AGBL4: variants seen among roughly 807,000 people sequenced by gnomAD.
AGBL4 encodes cytosolic carboxypeptidase 6.
Under a neutral mutation model 66.4 loss-of-function variants are expected in AGBL4, and 58 were observed. The ratio of observed to expected loss-of-function variants is 0.87; its 90% CI spans 0.71 to 1.09. AGBL4 has a LOEUF of 1.09. Ranked by LOEUF, AGBL4 falls within the 50% of genes least tolerant of loss-of-function variation. The pLI is 0.00. For missense variants in AGBL4, 579 were observed against 631.0 expected (o/e 0.92, Z 0.88); for synonymous variants, 234 against 222.9 (o/e 1.05, Z -0.44).
chr1:48,677,642 C>T (rs539974863), intron 6 of AGBL4, among the ~76,000 whole-genome samples: 9 of 152,180 alleles, frequency 5.9e-5, no homozygotes, highest in South Asian at 2.1e-4. Context: ...GCAGCTGCGA[C>T]GTCAGTCTAA....
chr1:49,167,397 A>C (rs1320784069), intron 4 of AGBL4, among the ~76,000 whole-genome samples: 7 of 152,186 alleles, frequency 4.6e-5, no homozygotes, highest in African/African-American at 1.7e-4. Context: ...ACCCTCTACT[A>C]GAAAGCCTAC....
At chr1:49,718,474 A>T (rs1648334448) in intron 2 of AGBL4, among the ~76,000 whole-genome samples, 1 of 152,166 alleles carries the variant, frequency 6.6e-6, no homozygotes, top group Admixed American at 6.6e-5. Flanking sequence ...TATTTGCAGC[A>T]ATGTAAGAAC....
intron 6 of AGBL4, among the ~76,000 whole-genome samples, chr1:48,799,842 T>C (rs1479277514): frequency 6.6e-6 from 1 of 152,230 alleles, no homozygotes; most frequent in Admixed American, 6.5e-5. Context: ...ATCCCTGGTA[T>C]GAAACCTACT....
intron 1 of AGBL4, among the ~76,000 whole-genome samples, chr1:49,924,291 G>A (rs751926783): frequency 6.6e-6 from 1 of 152,136 alleles, no homozygotes; most frequent in Non-Finnish European, 1.5e-5. Flanking sequence ...GCCTTCTGGA[G>A]GATGGAGAGT....
intron 9 of AGBL4, among the ~76,000 whole-genome samples, chr1:48,592,052 C>A (rs960799524): frequency 6.6e-6 from 1 of 152,242 alleles, no homozygotes; most frequent in African/African-American, 2.4e-5. Flanking sequence ...CAATTGCCCT[C>A]AAATCCAATC....
intron 5 of AGBL4, among the ~76,000 whole-genome samples, chr1:48,996,270 T>C (rs995906010): frequency 6.6e-6 from 1 of 152,168 alleles, no homozygotes; most frequent in Non-Finnish European, 1.5e-5. Flanking sequence ...GAAGTTAAGG[T>C]TGAAAATGTA....
intron 11 of AGBL4, among the ~76,000 whole-genome samples, chr1:48,556,574 C>T (rs1644324626): frequency 6.6e-6 from 1 of 152,198 alleles, no homozygotes; most frequent in Admixed American, 6.5e-5. Context: ...CTGTTCCAAA[C>T]CCCCTGCCTC....
chr1:48,644,339 C>G (rs1387870068), intron 8 of AGBL4, among the ~76,000 whole-genome samples: 1 of 152,176 alleles, frequency 6.6e-6, no homozygotes, highest in African/African-American at 2.4e-5. Context: ...CTTTCCCTAT[C>G]CCAACCCTCT....
rs555626801 is a variant in AGBL4, at chr1:49,468,253, T to C, written c.283-222389A>G. Among the ~76,000 whole-genome samples, 77 of 151,874 alleles carry C rather than the reference T, an allele frequency of 5.1e-4. 2 individuals carry two copies. Among genetic ancestry groups the C allele is most frequent in the African/African-American group, 1.2e-3 (51 of 41,504 alleles). ...AAAAGTAACTGCATTTGGAATGTCT[T>C]TGGATTATTTTAATATGAAATACTG... On this transcript the variant is annotated intron_variant, in intron 3 of 13. Transcript: ENST00000371839.
chr1:49,117,662 C>T (rs1645556548), intron 4 of AGBL4, among the ~76,000 whole-genome samples: 1 of 152,124 alleles, frequency 6.6e-6, no homozygotes, highest in Admixed American at 6.5e-5. Flanking sequence ...GTGATGCCTC[C>T]AGCTTTGTTC....
intron 5 of AGBL4, among the ~76,000 whole-genome samples, chr1:48,895,540 A>G (rs1338944126): frequency 2.0e-5 from 3 of 152,264 alleles, no homozygotes; most frequent in Non-Finnish European, 4.4e-5. Context: ...ACGATGGCAG[A>G]GAGCTGATTG....
At chr1:48,873,715 C>A (rs1023836018) in intron 5 of AGBL4, among the ~76,000 whole-genome samples, 3 of 152,112 alleles carry the variant, frequency 2.0e-5, no homozygotes, top group African/African-American at 7.2e-5. Flanking sequence ...TTCCAATAGG[C>A]ACACATCAAC....
chr1:48,762,177 G>A (rs1306379002), intron 6 of AGBL4, among the ~76,000 whole-genome samples: 2 of 152,170 alleles, frequency 1.3e-5, no homozygotes, highest in African/African-American at 4.8e-5. Flanking sequence ...AGCCGGGAGT[G>A]GGAAAGAGGC....
chr1:48,900,682 G>A (rs996367186), intron 5 of AGBL4, among the ~76,000 whole-genome samples: 6 of 152,158 alleles, frequency 3.9e-5, no homozygotes, highest in Non-Finnish European at 8.8e-5. Flanking sequence ...TTATCCATAT[G>A]GGGGAAAATA....
intron 3 of AGBL4, among the ~76,000 whole-genome samples, chr1:49,395,829 G>A (rs867934782): frequency 4.8e-3 from 341 of 71,200 alleles, no homozygotes; most frequent in African/African-American, 0.019. Context: ...ATATATATAT[G>A]TGTATATATA....
chr1:49,579,520 G>T (rs1032924664), intron 3 of AGBL4, among the ~76,000 whole-genome samples: 1 of 151,756 alleles, frequency 6.6e-6, no homozygotes, highest in African/African-American at 2.4e-5. Context: ...TTTTTTTTGA[G>T]ATAAAGTCTC....
chr1:49,714,911 C>A (rs1034204479), intron 2 of AGBL4, among the ~76,000 whole-genome samples: 10 of 151,940 alleles, frequency 6.6e-5, no homozygotes, highest in Non-Finnish European at 1.3e-4. Context: ...TAACCATTCT[C>A]TTTTCTATGC....
intron 4 of AGBL4, among the ~76,000 whole-genome samples, chr1:49,091,787 C>T (rs952186777): frequency 7.9e-5 from 12 of 152,204 alleles, no homozygotes; most frequent in African/African-American, 2.9e-4. Context: ...CCTAAATGCC[C>T]ATCAATAGTA....
At chr1:49,123,013 C>T (rs7552173) in intron 4 of AGBL4, among the ~76,000 whole-genome samples, 2 of 151,938 alleles carry the variant, frequency 1.3e-5, no homozygotes, top group Non-Finnish European at 2.9e-5. Context: ...GCAACCATGC[C>T]CAGCTAATTT....
Sources: gnomAD v4.1 joint callset for allele counts (sites outside exome capture counted in the v4.1 genomes callset) on GRCh38, gnomAD v4.1.1 for gene constraint, MANE v1.5 for transcripts, NCBI Gene and HGNC (gene_info 2026-07-23, HGNC 2026-07-21) for gene names.